ZNF280D: variants seen among roughly 807,000 people sequenced by gnomAD.
ZNF280D encodes the protein suppressor of hairy wing homolog 4.
ZNF280D carries 39 observed loss-of-function variants against 94.7 expected under a neutral mutation model. That is an observed-to-expected ratio of 0.41 (90% CI 0.32 to 0.54). The LOEUF is 0.54. ZNF280D is among the 20% of genes least tolerant of loss of function. The pLI, the probability that ZNF280D is intolerant of heterozygous loss-of-function variation, is 0.22. For missense variants in ZNF280D, 1,090 were observed against 1,149.3 expected, an observed-to-expected ratio of 0.95 and a Z score of 0.75; for synonymous variants, 398 against 377.6, an observed-to-expected ratio of 1.05 and a Z score of -0.63.
chr15:56,706,383 C>T lies in ZNF280D; in HGVS notation c.28+699G>A, dbSNP rs549138284. ...GTCCCAGCTACTCAGGAGGCTGAGG[C>T]GGGAGAATCACTTGAGCCCAGGAAG... On this transcript the variant is annotated intron_variant, in intron 3 of 21. Transcript: ENST00000267807. Among the ~76,000 whole-genome samples, 32 of 151,588 alleles carry T rather than the reference C, an allele frequency of 2.1e-4. No homozygotes were observed. The South Asian group carries it at 4.4e-3, about 21-fold the overall frequency.
At chr15:56,697,334 A>C (rs959297762) in intron 6 of ZNF280D, among the ~76,000 whole-genome samples, 1 of 152,110 alleles carries the variant, frequency 6.6e-6, no homozygotes, top group Non-Finnish European at 1.5e-5. Flanking sequence ...ACAGGCGCCC[A>C]CCACCATGCC....
intron 1 of ZNF280D, among the ~76,000 whole-genome samples, chr15:56,711,619 G>A (rs1051217169): frequency 1.3e-5 from 2 of 152,150 alleles, no homozygotes; most frequent in Admixed American, 6.5e-5. Context: ...AGCTGAGATC[G>A]TGCCACTGCA....
intron 1 of ZNF280D, among the ~76,000 whole-genome samples, chr15:56,720,974 G>GCT (rs1555428085): frequency 2.4e-5 from 1 of 41,868 alleles, no homozygotes; most frequent in Non-Finnish European, 6.7e-5. Context: ...TTTTTTTGGG[G>GCT]GGGGGGGGGA....
intron 1 of ZNF280D, among the ~76,000 whole-genome samples, chr15:56,732,150 C>T (rs1431911906): frequency 6.6e-6 from 1 of 152,144 alleles, no homozygotes; most frequent in Non-Finnish European, 1.5e-5. Flanking sequence ...AGTCAGAAGA[C>T]CTAAGGTTCT....
chr15:56,721,119 C>T (rs556764055), intron 1 of ZNF280D, among the ~76,000 whole-genome samples: 20 of 152,182 alleles, frequency 1.3e-4, no homozygotes, highest in African/African-American at 2.7e-4. Context: ...TGCACCACCA[C>T]GCCTGGCTAA....
intron 20 of ZNF280D, among the ~76,000 whole-genome samples, chr15:56,638,746 A>T (rs1176484807): frequency 6.6e-6 from 1 of 152,142 alleles, no homozygotes; most frequent in Admixed American, 6.5e-5. Context: ...TTAAAATATC[A>T]TTATTTCAAT....
intron 6 of ZNF280D, among the ~76,000 whole-genome samples, chr15:56,696,494 C>G (rs978490206): frequency 6.6e-6 from 1 of 152,090 alleles, no homozygotes; most frequent in Non-Finnish European, 1.5e-5. Context: ...AAATAGAATC[C>G]AGGTCTGACT....
At chr15:56,684,077 A>G (rs1342453557) in intron 9 of ZNF280D, among the ~76,000 whole-genome samples, 2 of 152,136 alleles carry the variant, frequency 1.3e-5, no homozygotes, top group African/African-American at 4.8e-5. Context: ...AGTACCCCAG[A>G]CCTGATTCAG....
chr15:56,732,216 C>T (rs2058926412), intron 1 of ZNF280D, among the ~76,000 whole-genome samples: 1 of 152,178 alleles, frequency 6.6e-6, no homozygotes, highest in African/African-American at 2.4e-5. Context: ...AAGTCCTCTC[C>T]CTGAGGCTCT....
rs1486936359 is a variant in ZNF280D at position 56,631,803 on chromosome 15, T to C, written c.2635A>G (p.Lys879Glu). 4 of 1,614,108 alleles carry C rather than the reference T, an allele frequency of 2.5e-6. No individual in the cohort carries two copies. The highest frequency in any genetic ancestry group is 3.4e-6 in the Non-Finnish European group (4 of 1,180,012). Residue 879 changes from lysine (K) to glutamate (E), a missense_variant, in exon 22 of 22, where the codon AAG becomes GAG. Transcript: ENST00000267807. ...HNSSEARFSS[K>E]NIKDLRLASD... Reference sequence around the variant, plus strand: ...GCTAATCGCAAATCCTTAATATTCTTTGAAGAAAATCTGGCTTCACTGGAG... The same window carrying C: ...GCTAATCGCAAATCCTTAATATTCTCTGAAGAAAATCTGGCTTCACTGGAG...
chr15:56,685,125 A>T (rs1474457307), intron 9 of ZNF280D, among the ~76,000 whole-genome samples: 1 of 152,218 alleles, frequency 6.6e-6, no homozygotes, highest in East Asian at 1.9e-4. Context: ...ACTTTATATT[A>T]GATCAAACTG....
Position 56,689,086 on chromosome 15 carries a change from G to A in ZNF280D, c.735C>T (p.Cys245=), listed in dbSNP as rs1449902183. The stretch of plus-strand genomic sequence containing the variant: ...GATCCAAAAGATTGAAATGAATGTT[G>A]CACTTTGGACAAGCTCTTGGAAAAG... The part of the protein sequence containing the change: ...GTPFPRACPK[C]NIHFNLLDPL... Residue 245 remains cysteine (C), a synonymous_variant, in exon 9 of 22, where the codon TGC becomes TGT. Coordinates refer to ENST00000267807, the MANE Select transcript of ZNF280D (RefSeq NM_017661.4). The A allele has an allele frequency of 6.2e-7, 1 of 1,610,512 alleles. No individual in the cohort carries two copies.
intron 9 of ZNF280D, among the ~76,000 whole-genome samples, chr15:56,687,457 T>G (rs1596500782): frequency 6.6e-6 from 1 of 152,114 alleles, no homozygotes; most frequent in African/African-American, 2.4e-5. Flanking sequence ...AACACTCATG[T>G]TTACTTGTAC....
chr15:56,706,375 G>C (rs1294186959), intron 3 of ZNF280D, among the ~76,000 whole-genome samples: 1 of 151,750 alleles, frequency 6.6e-6, no homozygotes, highest in Non-Finnish European at 1.5e-5. Context: ...CTACTCAGGA[G>C]GCTGAGGCGG....
intron 1 of ZNF280D, among the ~76,000 whole-genome samples, chr15:56,710,108 G>C (rs1436232374): frequency 6.6e-6 from 1 of 152,166 alleles, no homozygotes; most frequent in Non-Finnish European, 1.5e-5. Flanking sequence ...GGCTCTTTAA[G>C]ACAGCCCGAA....
chr15:56,688,008 T>C (rs1463627551), intron 9 of ZNF280D, among the ~76,000 whole-genome samples: 1 of 151,996 alleles, frequency 6.6e-6, no homozygotes, highest in African/African-American at 2.4e-5. Context: ...CTTCTTTTCC[T>C]TATATAATCT....
chr15:56,680,082 G>A (rs1251831692), intron 10 of ZNF280D, among the ~76,000 whole-genome samples: 1 of 152,060 alleles, frequency 6.6e-6, no homozygotes, highest in Non-Finnish European at 1.5e-5. Context: ...TAGAAATGAG[G>A]GAAACAGCAA....
chr15:56,728,706 T>C (rs192805384), intron 1 of ZNF280D, among the ~76,000 whole-genome samples: 15 of 152,350 alleles, frequency 9.8e-5, no homozygotes, highest in Admixed American at 9.8e-4. Context: ...CAACTTAAGA[T>C]GGTTCAACTT....
intron 13 of ZNF280D, among the ~76,000 whole-genome samples, chr15:56,670,258 G>C (rs189785673): frequency 6.7e-6 from 1 of 149,974 alleles, no homozygotes; most frequent in Non-Finnish European, 1.5e-5. Flanking sequence ...TGATACACAG[G>C]TAAACGTGTA....
Sources: gnomAD v4.1 joint callset for allele counts (sites outside exome capture counted in the v4.1 genomes callset) on GRCh38, gnomAD v4.1.1 for gene constraint, MANE v1.5 for transcripts, NCBI Gene and HGNC (gene_info 2026-07-23, HGNC 2026-07-21) for gene names.